TCP11L2: variants seen among roughly 807,000 people sequenced by gnomAD.
TCP11L2 encodes the protein t-complex 11 like 2, also known as T-complex protein 11-like protein 2.
A neutral mutation model predicts 50.7 loss-of-function variants in TCP11L2; 39 were observed. The ratio of observed to expected loss-of-function variants is 0.77; its 90% CI spans 0.60 to 1.01. The LOEUF (loss-of-function observed/expected upper bound fraction) is 1.01, where lower values mean the gene tolerates loss of function less well. Ranked by LOEUF, TCP11L2 falls within the 50% of genes least tolerant of loss-of-function variation. TCP11L2 has a pLI of 0.00. For missense variants in TCP11L2, 612 were observed against 614.7 expected (o/e 1.00, Z 0.05); for synonymous variants, 192 against 219.3 (o/e 0.88, Z 1.10).
chr12:106,318,563 T>C (rs1003270744), intron 4 of TCP11L2, 99 bp downstream of exon 4: 3 of 1,474,380 alleles, frequency 2.0e-6, no homozygotes, highest in Non-Finnish European at 2.8e-6. Context: ...AATAGAAATT[T>C]ACTTCTCACA....
upstream of TCP11L2, among the ~76,000 whole-genome samples, chr12:106,300,217 G>A (rs954792426): frequency 7.2e-5 from 11 of 152,102 alleles, no homozygotes; most frequent in Middle Eastern, 6.8e-3. Flanking sequence ...CCTGAGCAGG[G>A]AAGATTTTGT....
At chr12:106,329,734 C>T (rs2035681819) in intron 6 of TCP11L2, 1 of 1,046,146 alleles carries the variant, frequency 9.6e-7, no homozygotes, top group Admixed American at 5.3e-5. Context: ...ATTAAACTTG[C>T]AGTATAAATG....
upstream of TCP11L2, among the ~76,000 whole-genome samples, chr12:106,302,306 GCTCAGCCCCCGCTCCCCCC>G (rs2034437563): frequency 1.3e-5 from 1 of 75,024 alleles, no homozygotes; most frequent in Non-Finnish European, 2.7e-5. Flanking sequence ...CCAGAGCCCC[GCTCAGCCCCCGCTCCCCCC>G]GCTCAGCCCC....
At chr12:106,332,740 GCT>G (rs960432452) in intron 6 of TCP11L2, among the ~76,000 whole-genome samples, 2 of 129,490 alleles carry the variant, frequency 1.5e-5, no homozygotes, top group Non-Finnish European at 3.4e-5. Flanking sequence ...AAAAGAGGAA[GCT>G]CTTTTTTTTG....
At chr12:106,334,665 G>A (rs904007556) in intron 6 of TCP11L2, among the ~76,000 whole-genome samples, 11 of 152,072 alleles carry the variant, frequency 7.2e-5, no homozygotes, top group East Asian at 1.9e-4. Flanking sequence ...TTATTCAGCC[G>A]GGCGCAGTGG....
rs575569097 is a variant in TCP11L2, at chr12:106,319,276, C to T, written c.414+812C>T. On this transcript the variant is annotated intron_variant, in intron 4 of 9. Coordinates refer to ENST00000299045, the MANE Select transcript of TCP11L2 (RefSeq NM_152772.3). The stretch of plus-strand genomic sequence containing the variant: ...CCTCACCCTTATGACTTAATCACCT[C>T]CCAAAGGCCCCACCTTCTAATACCA... Among the ~76,000 whole-genome samples, 7 of 152,314 alleles carry T rather than the reference C, an allele frequency of 4.6e-5. No individual in the cohort carries two copies. In the South Asian group the frequency reaches 1.2e-3, roughly 27 times the overall value.
At chr12:106,305,104 G>T (rs2034575543) in intron 1 of TCP11L2, among the ~76,000 whole-genome samples, 1 of 152,142 alleles carries the variant, frequency 6.6e-6, no homozygotes, top group Non-Finnish European at 1.5e-5. Context: ...GGGTTTTAGG[G>T]ATCCGCTTCC....
At chr12:106,340,695 C>A in intron 8 of TCP11L2, 131 bp from the exon 9 acceptor site, 1 of 632,726 alleles carries the variant, frequency 1.6e-6, no homozygotes, top group Non-Finnish European at 2.5e-6. Context: ...TTTATGAGTT[C>A]ATTCTAATAG....
chr12:106,298,034 T>G (rs1441031550), upstream of TCP11L2, among the ~76,000 whole-genome samples: 1 of 152,202 alleles, frequency 6.6e-6, no homozygotes, highest in Non-Finnish European at 1.5e-5. Flanking sequence ...CTTTTTAGTA[T>G]GTGACAGGGT....
chr12:106,342,230 G>A (rs1321675948), intron 9 of TCP11L2, among the ~76,000 whole-genome samples: 1 of 152,166 alleles, frequency 6.6e-6, no homozygotes, highest in Non-Finnish European at 1.5e-5. Context: ...CTTTCAAATG[G>A]TGTTGTTCAT....
intron 2 of TCP11L2, among the ~76,000 whole-genome samples, chr12:106,312,978 AT>A (rs1233719459): frequency 2.0e-5 from 3 of 152,234 alleles, no homozygotes; most frequent in African/African-American, 7.2e-5. Flanking sequence ...TCCAACAGTG[AT>A]TTTTAAAAGA....
At chr12:106,309,705 T>C (rs1052514668) in intron 1 of TCP11L2, among the ~76,000 whole-genome samples, 1 of 151,438 alleles carries the variant, frequency 6.6e-6, no homozygotes, top group African/African-American at 2.4e-5. Context: ...TTTTCCCATC[T>C]AGTAGCATTC....
At position 106,319,158 on chromosome 12, in the gene TCP11L2, A is replaced by G. The variant is rs112255886; in HGVS notation, c.414+694A>G. 7.2e-3 allele frequency among the ~76,000 whole-genome samples: 1,093 copies of G among 151,668 alleles called. 3 individuals carry two copies. The highest frequency in any genetic ancestry group is 0.011 in the Non-Finnish European group (746 of 67,850). ...GATCTCCTGACCTCATGATTCGCCC[A>G]CCTTGGCCTCCCAGAGTGCTGGGAT... On this transcript the variant is annotated intron_variant, in intron 4 of 9. Transcript: ENST00000299045.
At chr12:106,311,401 A>G (rs758243615) in intron 2 of TCP11L2, among the ~76,000 whole-genome samples, 169 bp downstream of exon 2, 3 of 152,222 alleles carry the variant, frequency 2.0e-5, no homozygotes, top group Admixed American at 6.5e-5. Flanking sequence ...TCTCAGAAAT[A>G]GCCACTAAAG....
chr12:106,330,431 G>A, intron 6 of TCP11L2: 1 of 474,572 alleles, frequency 2.1e-6, no homozygotes, highest in Non-Finnish European at 2.8e-6. Flanking sequence ...CATCCTGGCA[G>A]GGCAGGGCGG....
intron 1 of TCP11L2, among the ~76,000 whole-genome samples, chr12:106,308,291 C>T (rs576178612): frequency 5.9e-5 from 9 of 152,258 alleles, no homozygotes; most frequent in South Asian, 2.1e-4. Flanking sequence ...TTATGACTGG[C>T]CCAACCTCTC....
chr12:106,314,545 G>GTTT (rs2034995636), intron 3 of TCP11L2, 52 bp downstream of exon 3: 1 of 702,138 alleles, frequency 1.4e-6, no homozygotes, highest in Non-Finnish European at 2.2e-6. Context: ...CTGTGTGTGT[G>GTTT]TGTGTGTGTG....
intron 8 of TCP11L2, among the ~76,000 whole-genome samples, chr12:106,340,077 A>G (rs990827576): frequency 2.6e-5 from 4 of 152,192 alleles, no homozygotes; most frequent in African/African-American, 9.7e-5. Flanking sequence ...GCTTCCTATC[A>G]TTGAGCCCTT....
chr12:106,329,978 G>C, intron 6 of TCP11L2: 1 of 985,434 alleles, frequency 1.0e-6, no homozygotes, highest in Non-Finnish European at 1.2e-6. Context: ...TCAAGTGCTG[G>C]GTCCAAGAAG....
Sources: gnomAD v4.1 joint callset for allele counts (sites outside exome capture counted in the v4.1 genomes callset) on GRCh38, gnomAD v4.1.1 for gene constraint, MANE v1.5 for transcripts, NCBI Gene and HGNC (gene_info 2026-07-23, HGNC 2026-07-21) for gene names.